Variants in SLC8A1 observed in about 807,000 individuals in gnomAD.
SLC8A1 encodes the protein sodium/calcium exchanger 1.
SLC8A1 carries 18 observed loss-of-function variants against 68.3 expected under a neutral mutation model. The ratio of observed to expected loss-of-function variants is 0.26; its 90% CI spans 0.18 to 0.39. The LOEUF (loss-of-function observed/expected upper bound fraction) is 0.39, where lower values mean the gene tolerates loss of function less well. SLC8A1 is among the 10% of genes least tolerant of loss of function. The probability of loss-of-function intolerance (pLI) is 1.00; values close to 1 mark genes in which losing one functional copy is unlikely to be tolerated. For missense variants in SLC8A1, 985 were observed against 1,156.7 expected (o/e 0.85, Z 2.15); for synonymous variants, 475 against 415.5 (o/e 1.14, Z -1.74).
At chr2:40,321,182 G>A (rs531771431) in intron 2 of SLC8A1, among the ~76,000 whole-genome samples, 46 of 152,094 alleles carry the variant, frequency 3.0e-4, no homozygotes, top group Middle Eastern at 3.4e-3. Flanking sequence ...TCTTTCTGTC[G>A]TACAAATCCA....
intron 2 of SLC8A1, among the ~76,000 whole-genome samples, chr2:40,241,754 G>T (rs1368964445): frequency 1.3e-5 from 2 of 152,046 alleles, no homozygotes; most frequent in African/African-American, 2.4e-5. Context: ...AACTCCACAG[G>T]CTTTGAGAGT....
chr2:40,317,493 C>T (rs886110568), intron 2 of SLC8A1, among the ~76,000 whole-genome samples: 14 of 152,080 alleles, frequency 9.2e-5, no homozygotes, highest in African/African-American at 3.4e-4. Flanking sequence ...AACAACTCTA[C>T]ACAAACATTG....
chr2:40,276,985 T>A (rs1295770593), intron 2 of SLC8A1, among the ~76,000 whole-genome samples: 1 of 152,172 alleles, frequency 6.6e-6, no homozygotes, highest in African/African-American at 2.4e-5. Flanking sequence ...GACAATGAGA[T>A]TCTATGTATC....
chr2:40,350,547 T>A (rs1670735362), intron 2 of SLC8A1, among the ~76,000 whole-genome samples: 1 of 110,628 alleles, frequency 9.0e-6, no homozygotes. Flanking sequence ...GCATTTAAAA[T>A]AGCCCCAAGC....
intron 2 of SLC8A1, among the ~76,000 whole-genome samples, chr2:40,204,917 A>G (rs933195982): frequency 2.0e-5 from 3 of 151,996 alleles, no homozygotes; most frequent in Non-Finnish European, 4.4e-5. Flanking sequence ...ACTAGTGGCT[A>G]CCATATTGAA....
chr2:40,344,976 G>A (rs1668795484), intron 2 of SLC8A1, among the ~76,000 whole-genome samples: 1 of 151,490 alleles, frequency 6.6e-6, no homozygotes, highest in African/African-American at 2.4e-5. Flanking sequence ...AGGACTCTGG[G>A]AATCATCTTC....
chr2:40,349,215 A>T (rs1248925704), intron 2 of SLC8A1, among the ~76,000 whole-genome samples: 1 of 152,152 alleles, frequency 6.6e-6, no homozygotes, highest in Admixed American at 6.5e-5. Flanking sequence ...TCCATCAAAT[A>T]TGTCAAGTCT....
intron 2 of SLC8A1, among the ~76,000 whole-genome samples, chr2:40,323,338 C>G (rs1035833079): frequency 1.3e-5 from 2 of 152,112 alleles, no homozygotes. Flanking sequence ...GACACTATTA[C>G]TGTCCATAAA....
intron 6 of SLC8A1, among the ~76,000 whole-genome samples, chr2:40,151,665 A>G (rs1475575013): frequency 6.6e-6 from 1 of 152,234 alleles, no homozygotes; most frequent in East Asian, 1.9e-4. Context: ...GAACACGTAG[A>G]TTAAAAAAAG....
At chr2:40,390,738 G>A (rs1684998414) in intron 2 of SLC8A1, among the ~76,000 whole-genome samples, 1 of 151,904 alleles carries the variant, frequency 6.6e-6, no homozygotes, top group Admixed American at 6.6e-5. Context: ...TGTAACTTTT[G>A]TCCCAGCAAC....
chr2:40,431,430 A>T (rs1294283843), intron 1 of SLC8A1, among the ~76,000 whole-genome samples: 2 of 152,118 alleles, frequency 1.3e-5, no homozygotes, highest in Non-Finnish European at 2.9e-5. Context: ...CCATGGCAAC[A>T]GAGTCAGTGA....
intron 6 of SLC8A1, among the ~76,000 whole-genome samples, chr2:40,160,116 A>G (rs549030574): frequency 6.6e-6 from 1 of 152,256 alleles, no homozygotes; most frequent in East Asian, 1.9e-4. Flanking sequence ...TTATACAATC[A>G]CACAAAGAGT....
At chr2:40,485,087 C>A (rs190383888) in intron 1 of SLC8A1, among the ~76,000 whole-genome samples, 255 of 152,146 alleles carry the variant, frequency 1.7e-3, no homozygotes, top group Non-Finnish European at 3.0e-3. Flanking sequence ...CCTTCCCCAG[C>A]CACATTCAAT....
At chr2:40,398,480 G>T (rs986746071) in intron 2 of SLC8A1, among the ~76,000 whole-genome samples, 5 of 152,082 alleles carry the variant, frequency 3.3e-5, no homozygotes, top group Non-Finnish European at 5.9e-5. Context: ...ATTATAAAAA[G>T]CAGAATATGT....
intron 2 of SLC8A1, among the ~76,000 whole-genome samples, chr2:40,306,569 C>G (rs1575240764): frequency 6.6e-6 from 1 of 152,254 alleles, no homozygotes; most frequent in Non-Finnish European, 1.5e-5. Flanking sequence ...GGGAAACATT[C>G]TTGGAAATAT....
chr2:40,159,743 T>A (rs2045322412), intron 6 of SLC8A1, among the ~76,000 whole-genome samples: 2 of 152,170 alleles, frequency 1.3e-5, no homozygotes, highest in Non-Finnish European at 2.9e-5. Context: ...CCACTATATA[T>A]TCAATTGCAA....
intron 2 of SLC8A1, among the ~76,000 whole-genome samples, chr2:40,394,076 T>A (rs548923811): frequency 1.3e-5 from 2 of 152,034 alleles, no homozygotes; most frequent in Non-Finnish European, 2.9e-5. Flanking sequence ...GGCTCAGGAA[T>A]GCTGCTAAAC....
intron 2 of SLC8A1, among the ~76,000 whole-genome samples, chr2:40,237,308 T>C (rs1027302030): frequency 1.3e-5 from 2 of 152,090 alleles, no homozygotes; most frequent in Non-Finnish European, 2.9e-5. Flanking sequence ...TCATTTCTTT[T>C]TATTCTTTTT....
At chr2:40,483,087 A>G (rs1704746369) in intron 1 of SLC8A1, among the ~76,000 whole-genome samples, 1 of 151,766 alleles carries the variant, frequency 6.6e-6, no homozygotes, top group Non-Finnish European at 1.5e-5. Flanking sequence ...TACAGGCATA[A>G]GCCATCGTGC....
Sources: allele counts gnomAD v4.1 joint callset (sites outside exome capture counted in the v4.1 genomes callset), GRCh38; gene constraint gnomAD v4.1.1; transcripts MANE v1.5; gene names NCBI Gene and HGNC (gene_info 2026-07-23, HGNC 2026-07-21).